OSBPL10: variants seen among roughly 807,000 people sequenced by gnomAD.
OSBPL10 encodes the protein oxysterol binding protein like 10.
OSBPL10 carries 49 observed loss-of-function variants against 81.7 expected under a neutral mutation model. The ratio of observed to expected loss-of-function variants is 0.60; its 90% CI spans 0.48 to 0.76. The LOEUF is 0.76. Ranked by LOEUF, OSBPL10 falls within the 30% of genes least tolerant of loss-of-function variation. The pLI, the probability that OSBPL10 is intolerant of heterozygous loss-of-function variation, is 0.00. For synonymous variants in OSBPL10, 419 were observed against 383.6 expected (o/e 1.09, Z -1.08); for missense variants, 923 against 987.8 (o/e 0.93, Z 0.88).
intron 4 of OSBPL10, among the ~76,000 whole-genome samples, chr3:31,801,400 C>T (rs1699374324): frequency 6.6e-6 from 1 of 152,184 alleles, no homozygotes; most frequent in South Asian, 2.1e-4. Flanking sequence ...TGGGTTATAA[C>T]CTCCTGTAAC....
chr3:31,907,140 A>C (rs1696429654), intron 1 of OSBPL10: 1 of 152,190 alleles, frequency 6.6e-6, no homozygotes, highest in Non-Finnish European at 1.5e-5. Context: ...GAGTAAAAGC[A>C]ATAGCAAGCC....
chr3:31,817,627 A>T (rs1471707929), intron 4 of OSBPL10, among the ~76,000 whole-genome samples: 3 of 152,058 alleles, frequency 2.0e-5, no homozygotes, highest in African/African-American at 2.4e-5. Context: ...GGAGGCTTGG[A>T]TCCACAGCCG....
intron 1 of OSBPL10, among the ~76,000 whole-genome samples, chr3:31,899,172 G>A (rs1696155517): frequency 6.6e-6 from 1 of 151,866 alleles, no homozygotes; most frequent in African/African-American, 2.4e-5. Flanking sequence ...GAACTCCTGA[G>A]CTCAGGCAAT....
intron 2 of OSBPL10, among the ~76,000 whole-genome samples, chr3:32,016,681 G>T (rs1038997284): frequency 6.6e-6 from 1 of 152,140 alleles, no homozygotes; most frequent in Non-Finnish European, 1.5e-5. Context: ...ATTAGAATAG[G>T]TTGTCAAAAA....
chr3:31,804,331 A>T (rs149144488), intron 4 of OSBPL10, among the ~76,000 whole-genome samples: 275 of 152,296 alleles, frequency 1.8e-3, no homozygotes, highest in African/African-American at 6.1e-3. Flanking sequence ...TCTCCGTTTT[A>T]CAGATTAGAA....
rs1279594657 is a variant in OSBPL10 at position 31,769,456 on chromosome 3, AAACAAAAAAAAAAC to A, written c.730-21350_730-21337del. 5.6e-4 allele frequency among the ~76,000 whole-genome samples: 49 copies of A among 87,186 alleles called. 12 individuals carry two copies. Among genetic ancestry groups the A allele is most frequent in the African/African-American group, 2.1e-3 (47 of 22,150 alleles). 57.2% of individuals were successfully genotyped at this position (87,186 alleles called of 152,430 possible). A position where few individuals can be genotyped will look rare whatever the true frequency, so the allele number is the denominator to read the frequency against. ...GCAAAACTCCATCTCAAAAAAAAAA[AAACAAAAAAAAAAC>A]AAAAAAAAACAGAATAAAAATATAT... is the stretch of plus-strand genomic sequence containing the variant. On this transcript the variant is annotated intron_variant, in intron 4 of 11. Transcript: ENST00000396556.
intron 5 of OSBPL10, among the ~76,000 whole-genome samples, chr3:31,733,695 T>TG (rs1423848898): frequency 6.7e-6 from 1 of 149,668 alleles, no homozygotes; most frequent in Non-Finnish European, 1.5e-5. Context: ...GTTTTTTTTT[T>TG]TTTTTTTTTT....
intron 1 of OSBPL10, among the ~76,000 whole-genome samples, chr3:32,072,014 T>C (rs1699832963): frequency 6.6e-6 from 1 of 152,166 alleles, no homozygotes; most frequent in Admixed American, 6.5e-5. Context: ...CATCTATCAT[T>C]GAGGCTACCA....
At chr3:31,729,812 G>A (rs3792538) in intron 6 of OSBPL10, among the ~76,000 whole-genome samples, 70,237 of 151,858 alleles carry the variant, frequency 0.46, 16,670 homozygotes, top group East Asian at 0.62. Context: ...ACAGATTCCC[G>A]CACCCAGGTA....
intron 6 of OSBPL10, among the ~76,000 whole-genome samples, chr3:31,715,232 C>T (rs1696395978): frequency 6.6e-6 from 1 of 152,162 alleles, no homozygotes; most frequent in African/African-American, 2.4e-5. Flanking sequence ...AATTCTGTTC[C>T]TTGATGGCAC....
chr3:32,077,489 T>A (rs774282320), exon 1 of OSBPL10: 1 of 152,224 alleles, frequency 6.6e-6, no homozygotes, highest in Non-Finnish European at 1.5e-5. Flanking sequence ...ATTTGAATAC[T>A]GACTCCAGGG....
intron 1 of OSBPL10, among the ~76,000 whole-genome samples, chr3:31,896,973 C>T (rs4501153): frequency 1.5e-4 from 23 of 152,206 alleles, no homozygotes; most frequent in African/African-American, 4.3e-4. Flanking sequence ...TCATTCACCC[C>T]CTGGTAGAAA....
At chr3:31,954,499 G>C (rs906224828) in intron 1 of OSBPL10, among the ~76,000 whole-genome samples, 1 of 152,194 alleles carries the variant, frequency 6.6e-6, no homozygotes. Context: ...ATGTTATGCT[G>C]ACTAGAGGAA....
At chr3:31,717,022 T>C (rs1429155545) in intron 6 of OSBPL10, 1 of 152,234 alleles carries the variant, frequency 6.6e-6, no homozygotes, top group East Asian at 1.9e-4. Context: ...CAGAACGGTT[T>C]TGATTTACAA....
intron 1 of OSBPL10, among the ~76,000 whole-genome samples, chr3:31,888,659 G>A (rs544962898): frequency 1.3e-4 from 20 of 152,110 alleles, no homozygotes; most frequent in Non-Finnish European, 2.6e-4. Flanking sequence ...AGTGGCTCAC[G>A]CCCGTAATCC....
intron 3 of OSBPL10, among the ~76,000 whole-genome samples, chr3:31,855,160 G>A (rs1237905605): frequency 5.3e-5 from 8 of 151,936 alleles, no homozygotes; most frequent in Admixed American, 5.2e-4. Context: ...TAAGTAGCTG[G>A]GACTAAAGCA....
chr3:32,075,496 T>C (rs1450004071), intron 1 of OSBPL10, among the ~76,000 whole-genome samples: 1 of 152,218 alleles, frequency 6.6e-6, no homozygotes, highest in African/African-American at 2.4e-5. Flanking sequence ...GTCTTTCGTT[T>C]AGTTTCTCAA....
At chr3:31,849,318 C>G (rs1285946536) in intron 3 of OSBPL10, among the ~76,000 whole-genome samples, 1 of 152,076 alleles carries the variant, frequency 6.6e-6, no homozygotes. Context: ...GCAATATAGA[C>G]AGTATGGGCA....
chr3:32,048,310 A>T (rs1449331781), intron 1 of OSBPL10, among the ~76,000 whole-genome samples: 7 of 134,598 alleles, frequency 5.2e-5, no homozygotes, highest in South Asian at 2.4e-4. Context: ...CACTACTACT[A>T]TTTTTTTTTT....
Sources: gnomAD v4.1 joint callset for allele counts (sites outside exome capture counted in the v4.1 genomes callset) on GRCh38, gnomAD v4.1.1 for gene constraint, MANE v1.5 for transcripts, NCBI Gene and HGNC (gene_info 2026-07-23, HGNC 2026-07-21) for gene names.